Variants in ADAM12 observed in about 807,000 individuals in gnomAD.
The protein encoded by ADAM12 is ADAM metallopeptidase domain 12, also known as disintegrin and metalloproteinase domain-containing protein 12.
A neutral mutation model predicts 106.4 loss-of-function variants in ADAM12; 70 were observed. That is an observed-to-expected ratio of 0.66 (90% confidence interval 0.54 to 0.80). The LOEUF is 0.80. Among genes scored for constraint, ADAM12 ranks in the 30% least tolerant of loss-of-function variants. The pLI, the probability that ADAM12 is intolerant of heterozygous loss-of-function variation, is 0.00. For synonymous variants in ADAM12, 420 were observed against 433.5 expected (o/e 0.97, Z 0.39); for missense variants, 1,010 against 1,171.9 (o/e 0.86, Z 2.02).
chr10:126,282,128 A>G (rs1414367432), intron 2 of ADAM12, among the ~76,000 whole-genome samples: 1 of 152,140 alleles, frequency 6.6e-6, no homozygotes, highest in Non-Finnish European at 1.5e-5. Context: ...GTTTCTTCTG[A>G]GGCCGCTTTC....
At chr10:126,337,207 G>C (rs886514526) in intron 1 of ADAM12, among the ~76,000 whole-genome samples, 1 of 152,184 alleles carries the variant, frequency 6.6e-6, no homozygotes, top group East Asian at 1.9e-4. Flanking sequence ...AACCAGGGAA[G>C]CCAACAGTGC....
intron 21 of ADAM12, among the ~76,000 whole-genome samples, 155 bp from the exon 22 acceptor site, chr10:126,019,980 C>T (rs986521242): frequency 1.3e-5 from 2 of 152,090 alleles, no homozygotes; most frequent in South Asian, 4.1e-4. Flanking sequence ...AATCTTCTTG[C>T]CAAAATTTTC....
chr10:126,388,075 G>A lies in ADAM12; in HGVS notation c.71C>T (p.Ala24Val). 1 of 1,230,896 alleles carries A rather than the reference G, an allele frequency of 8.1e-7. No homozygotes were observed. Among genetic ancestry groups the A allele is most frequent in the East Asian group, 3.2e-5 (1 of 30,970 alleles). 76.2% of individuals were successfully genotyped at this position (1,230,896 alleles called of 1,614,324 possible). The part of the protein sequence containing the change: ...LLLALAGALL[A>V]PCEARGVSLW... ...CGACTTACCTCGGGCCTCGCAGGGC[G>A]CGAGCAGAGCACCGGCCAGGGCGAG... is the stretch of plus-strand genomic sequence containing the variant. Residue 24 changes from alanine (A) to valine (V), a missense_variant, in exon 1 of 23, where the codon GCG (alanine) becomes GTG (valine). By Grantham distance (64) the Ala-to-Val change is moderately conservative. This residue lies in a region of ADAM12 where 391 missense variants were observed against 442.9 expected (regional missense o/e 0.88). Transcript: ENST00000448723. The surrounding 1 kb of genome is among the most constrained non-coding windows in gnomAD (Gnocchi z 4.4).
In ADAM12 at chr10:126,315,935, A is replaced by G. The variant is rs138254988; in HGVS notation, c.186+14477T>C. On this transcript the variant is annotated intron_variant, in intron 2 of 22. Transcript: ENST00000448723. Reference sequence around the variant, plus strand: ...CGATGCATTCCCACGAAGTCCACTTATGAGATTTGCCTGTGTCAAGGAACA... The same window carrying G: ...CGATGCATTCCCACGAAGTCCACTTGTGAGATTTGCCTGTGTCAAGGAACA... Among the ~76,000 whole-genome samples, 45 of 152,328 alleles carry G rather than the reference A, an allele frequency of 3.0e-4. No individual in the cohort carries two copies. In the East Asian group the frequency reaches 8.1e-3, roughly 27 times the overall value.
intron 11 of ADAM12, among the ~76,000 whole-genome samples, chr10:126,088,665 G>A (rs1008455603): frequency 6.6e-6 from 1 of 151,456 alleles, no homozygotes; most frequent in African/African-American, 2.4e-5. Flanking sequence ...AGCCGAGACT[G>A]TGTCACTGCA....
At chr10:126,252,264 G>A (rs1006864102) in intron 3 of ADAM12, among the ~76,000 whole-genome samples, 3 of 151,604 alleles carry the variant, frequency 2.0e-5, no homozygotes, top group African/African-American at 7.3e-5. Context: ...TGGGATGGAT[G>A]TATTGGAGAA....
At chr10:126,268,211 T>C (rs781053410) in intron 3 of ADAM12, among the ~76,000 whole-genome samples, 1 of 152,230 alleles carries the variant, frequency 6.6e-6, no homozygotes, top group African/African-American at 2.4e-5. Flanking sequence ...GTACACCTCA[T>C]GTAAATAGAA....
At chr10:126,165,216 G>A (rs959280765) in intron 3 of ADAM12, among the ~76,000 whole-genome samples, 2 of 152,060 alleles carry the variant, frequency 1.3e-5, no homozygotes, top group African/African-American at 4.8e-5. Flanking sequence ...CACCCAGGCT[G>A]GAGTGCAGTG....
At chr10:126,330,294 A>C in intron 2 of ADAM12, 118 bp downstream of exon 2, 1 of 849,286 alleles carries the variant, frequency 1.2e-6, no homozygotes, top group Non-Finnish European at 1.8e-6. Flanking sequence ...CCATTCTCTA[A>C]GGATAGAGTT....
intron 1 of ADAM12, among the ~76,000 whole-genome samples, chr10:126,334,171 G>A (rs1415030633): frequency 1.3e-5 from 2 of 152,122 alleles, no homozygotes; most frequent in Admixed American, 1.3e-4. Flanking sequence ...TATATTTTAT[G>A]GAGTGATCTT....
At chr10:126,100,104 C>T (rs940849959) in intron 9 of ADAM12, among the ~76,000 whole-genome samples, 4 of 152,090 alleles carry the variant, frequency 2.6e-5, no homozygotes, top group African/African-American at 9.7e-5. Flanking sequence ...TTATTGTTGT[C>T]TCTCAGTAGA....
chr10:126,260,573 C>T (rs977407817), intron 3 of ADAM12, among the ~76,000 whole-genome samples: 1 of 152,050 alleles, frequency 6.6e-6, no homozygotes, highest in African/African-American at 2.4e-5. Flanking sequence ...TCTGAACATA[C>T]AGAGGTTGAA....
At chr10:126,190,506 C>A (rs1957479732) in intron 3 of ADAM12, among the ~76,000 whole-genome samples, 1 of 152,002 alleles carries the variant, frequency 6.6e-6, no homozygotes, top group African/African-American at 2.4e-5. Flanking sequence ...ACACCCGGCC[C>A]CAATTCATTC....
intron 11 of ADAM12, among the ~76,000 whole-genome samples, chr10:126,082,387 T>TA (rs1554966488): frequency 8.1e-5 from 12 of 148,218 alleles, no homozygotes; most frequent in African/African-American, 1.2e-4. Context: ...TTTTTTTTTT[T>TA]ATGTGGAGTT....
rs1956649725 is a variant in ADAM12, at chr10:126,147,442, C to T, written c.339+7785G>A. The stretch of plus-strand genomic sequence containing the variant: ...AAGCCCAAACATAGTCATGACACGC[C>T]TTGAGGAAGGCCTTTATTGACCTCC... On this transcript the variant is annotated intron_variant, in intron 4 of 22. Transcript: ENST00000448723. 2.0e-5 allele frequency among the ~76,000 whole-genome samples: 3 copies of T among 152,300 alleles called. No homozygotes were observed. The South Asian group carries it at 6.2e-4, about 32-fold the overall frequency.
intron 1 of ADAM12, among the ~76,000 whole-genome samples, chr10:126,350,204 C>A (rs2133885142): frequency 6.6e-6 from 1 of 152,332 alleles, no homozygotes. Context: ...TAATTCCTAA[C>A]TTTTCCAGTG....
chr10:126,335,733 T>G (rs1854676127), intron 1 of ADAM12, among the ~76,000 whole-genome samples: 1 of 152,056 alleles, frequency 6.6e-6, no homozygotes, highest in Admixed American at 6.5e-5. Flanking sequence ...CTGAAAAAAG[T>G]AACTTTATAA....
chr10:126,062,162 G>A (rs1031076818), intron 14 of ADAM12, among the ~76,000 whole-genome samples: 1 of 152,194 alleles, frequency 6.6e-6, no homozygotes. Context: ...CCCAAGCCTG[G>A]TCTCTGTGCT....
intron 3 of ADAM12, among the ~76,000 whole-genome samples, chr10:126,206,089 G>T (rs1957789648): frequency 6.6e-6 from 1 of 152,124 alleles, no homozygotes; most frequent in Non-Finnish European, 1.5e-5. Flanking sequence ...ATTATCTTGT[G>T]TATAGCAAAG....
Sources: allele counts gnomAD v4.1 joint callset (sites outside exome capture counted in the v4.1 genomes callset), GRCh38; gene constraint gnomAD v4.1.1; regional missense constraint gnomAD v4.1.1; non-coding constraint Gnocchi (gnomAD v3.1); transcripts MANE v1.5; gene names NCBI Gene and HGNC (gene_info 2026-07-23, HGNC 2026-07-21).